The following SCUBE1 variants were observed in gnomAD, a reference collection of about 807,000 sequenced individuals.
The protein encoded by SCUBE1 is signal peptide, CUB and EGF-like domain-containing protein 1.
In SCUBE1, 59 loss-of-function variants were observed where a neutral mutation model predicts 124.4. The ratio of observed to expected loss-of-function variants is 0.47; its 90% confidence interval spans 0.38 to 0.59. The LOEUF is 0.59. Ranked by LOEUF, SCUBE1 falls within the 20% of genes least tolerant of loss-of-function variation. The probability of loss-of-function intolerance (pLI) is 0.00; values close to 1 mark genes in which losing one functional copy is unlikely to be tolerated. For missense variants in SCUBE1, 1,150 were observed against 1,371.2 expected, an observed-to-expected ratio of 0.84 and a Z score of 2.55; for synonymous variants, 545 against 550.9, an observed-to-expected ratio of 0.99 and a Z score of 0.15.
chr22:43,251,411 G>A (rs1344126104), intron 6 of SCUBE1, among the ~76,000 whole-genome samples: 1 of 152,238 alleles, frequency 6.6e-6, no homozygotes, highest in Non-Finnish European at 1.5e-5. Flanking sequence ...CTAATCCCCA[G>A]AAACTGTGAC....
In SCUBE1 at chr22:43,298,300, C is replaced by T. The variant is rs552776865; in HGVS notation, c.350-7120G>A. Among the ~76,000 whole-genome samples the T allele has an allele frequency of 2.0e-5, 3 of 152,368 alleles. No homozygotes were observed. In the East Asian group the frequency reaches 5.8e-4, roughly 29 times the overall value. On this transcript the variant is annotated intron_variant, in intron 3 of 21. Coordinates refer to ENST00000360835, the MANE Select transcript of SCUBE1 (RefSeq NM_173050.5). ...ATGCCTGGGGTCTCCCAGGACCTGT[C>T]TGCTTCCTGGTCTGGGCATCAGCTG...
chr22:43,284,825 C>T (rs1303437351), intron 4 of SCUBE1, among the ~76,000 whole-genome samples: 1 of 152,136 alleles, frequency 6.6e-6, no homozygotes, highest in African/African-American at 2.4e-5. Flanking sequence ...ATTCCTGATG[C>T]CAAGCTTTCC....
chr22:43,269,582 G>A (rs1374778524), intron 4 of SCUBE1, among the ~76,000 whole-genome samples: 2 of 152,152 alleles, frequency 1.3e-5, no homozygotes, highest in Non-Finnish European at 2.9e-5. Context: ...GGGATGGCAA[G>A]CTGGGAACGG....
Position 43,339,231 on chromosome 22 carries a change from T to C in SCUBE1, c.93A>G (p.Ser31=). The C allele has an allele frequency of 6.2e-7, 1 of 1,613,402 alleles. No individual in the cohort carries two copies. Among genetic ancestry groups the C allele is most frequent in the Non-Finnish European group, 8.5e-7 (1 of 1,179,536 alleles). The change falls in exon 2 of 22, where the codon TCA becomes TCG. Residue 31 remains serine, a synonymous_variant. Transcript: ENST00000360835. ...CCTCTGAGCACTCATCCACGTCGAC[T>C]GACCCTGTGGGTAGGGGTGTGGGGG... The part of the protein sequence containing the change: ...RLAGGSGLPG[S]VDVDECSEGT...
intron 10 of SCUBE1, among the ~76,000 whole-genome samples, chr22:43,223,566 CT>C (rs1922188753): frequency 6.6e-6 from 1 of 152,196 alleles, no homozygotes; most frequent in South Asian, 2.1e-4. Flanking sequence ...CACTGGCTTC[CT>C]GGGAGGGGCC....
At chr22:43,229,295 C>T (rs1922458714) in intron 8 of SCUBE1, 107 bp from the exon 9 acceptor site, 2 of 813,574 alleles carry the variant, frequency 2.5e-6, no homozygotes, top group Admixed American at 1.8e-5. Context: ...GACACACAGT[C>T]CCTGGGCGCA....
At position 43,221,231 on chromosome 22, in the gene SCUBE1, G is replaced by T; in HGVS notation, c.1491C>A (p.Cys497Ter). ...GTGCCTGGCTGTGGGGCCGGAGGTG[G>T]CACTTGGCATCTCGGATCTTGAAGC... ...KARFKIRDAKCHLRPHSQARA... is the reference protein window; with the variant it reads ...KARFKIRDAK Residue 497 changes from cysteine (C) to a stop codon, truncating the protein, a stop_gained, in exon 13 of 22, where the codon TGC becomes TGA. Transcript: ENST00000360835. LOFTEE classifies it high-confidence loss of function. The T allele has an allele frequency of 6.2e-7, 1 of 1,611,766 alleles. No homozygotes were observed.
At position 43,201,434 on chromosome 22, in the gene SCUBE1, G is replaced by A. The variant is rs560927379; in HGVS notation, c.*2563C>T. 2 of 152,236 alleles carry A rather than the reference G, an allele frequency of 1.3e-5. No individual in the cohort carries two copies. Among genetic ancestry groups the A allele is most frequent in the East Asian group, 3.9e-4 (2 of 5,182 alleles). 9.4% of individuals were successfully genotyped at this position (152,236 alleles called of 1,614,324 possible). On this transcript the variant is annotated 3_prime_UTR_variant, in exon 22 of 22. Coordinates refer to ENST00000360835, the MANE Select transcript of SCUBE1 (RefSeq NM_173050.5). Reference sequence around the variant, plus strand: ...TCTTGGTTGGGTGAACGGATACCCAGCTAGCTGGGAAAACATGCTAGGGTG... The same window carrying A: ...TCTTGGTTGGGTGAACGGATACCCAACTAGCTGGGAAAACATGCTAGGGTG...
intron 3 of SCUBE1, among the ~76,000 whole-genome samples, chr22:43,315,893 A>G (rs559994478): frequency 6.6e-6 from 1 of 152,326 alleles, no homozygotes; most frequent in East Asian, 1.9e-4. Context: ...CTCTGGGGAC[A>G]CTGGGAGTAC....
chr22:43,301,594 C>T (rs1414999503), intron 3 of SCUBE1, among the ~76,000 whole-genome samples: 3 of 152,166 alleles, frequency 2.0e-5, no homozygotes, highest in Non-Finnish European at 2.9e-5. Context: ...CTCTCTCTGA[C>T]CACTAAGCTA....
At chr22:43,245,653 G>T (rs920299453) in intron 6 of SCUBE1, among the ~76,000 whole-genome samples, 1 of 152,158 alleles carries the variant, frequency 6.6e-6, no homozygotes, top group Non-Finnish European at 1.5e-5. Context: ...GCAGCCCAGG[G>T]TCTCCTGGAC....
At chr22:43,321,403 T>A (rs1256187090) in intron 2 of SCUBE1, among the ~76,000 whole-genome samples, 1 of 152,152 alleles carries the variant, frequency 6.6e-6, no homozygotes, top group Non-Finnish European at 1.5e-5. Flanking sequence ...CAATGAACGT[T>A]CAGGGGTAGG....
chr22:43,334,832 C>A (rs1927012627), intron 2 of SCUBE1, among the ~76,000 whole-genome samples: 1 of 152,214 alleles, frequency 6.6e-6, no homozygotes, highest in Admixed American at 6.5e-5. Context: ...TTAATTCTCA[C>A]ACTATCTGTA....
chr22:43,285,215 G>T (rs764052136), intron 4 of SCUBE1, among the ~76,000 whole-genome samples: 6 of 152,094 alleles, frequency 3.9e-5, no homozygotes, highest in Non-Finnish European at 7.4e-5. Context: ...CAACCACATG[G>T]TCCACCAGCC....
intron 4 of SCUBE1, among the ~76,000 whole-genome samples, chr22:43,265,672 A>G (rs946579908): frequency 6.6e-6 from 1 of 152,214 alleles, no homozygotes; most frequent in African/African-American, 2.4e-5. Context: ...ACCTCTTTAC[A>G]TTCCTGACAA....
At chr22:43,335,778 G>GTGATGA (rs1927045755) in intron 2 of SCUBE1, among the ~76,000 whole-genome samples, 1 of 134,796 alleles carries the variant, frequency 7.4e-6, no homozygotes, top group African/African-American at 3.3e-5. Flanking sequence ...GATGATGATG[G>GTGATGA]TGATGGTGAT....
intron 2 of SCUBE1, among the ~76,000 whole-genome samples, chr22:43,320,851 G>A (rs967176417): frequency 4.6e-5 from 7 of 152,240 alleles, no homozygotes; most frequent in African/African-American, 1.2e-4. Context: ...ATTCGAATCC[G>A]TGGGATTCAA....
chr22:43,221,114 G>A, intron 13 of SCUBE1, 59 bp downstream of exon 13: 1 of 1,380,464 alleles, frequency 7.2e-7, no homozygotes, highest in Non-Finnish European at 1.0e-6. Context: ...CAGCTCCCAG[G>A]CATGAGGACT....
rs1313733876 is a variant in SCUBE1, at chr22:43,212,764, G to A, written c.2054-172C>T. ...AAACGCAGCAGCCGGGGTGCAGGAA[G>A]CTGGGCCCTGGTCCGGATGATGCCA... On this transcript the variant is annotated intron_variant, in intron 16 of 21. Transcript: ENST00000360835. 1.4e-5 allele frequency: 9 copies of A among 653,286 alleles called. No individual in the cohort carries two copies. The East Asian group carries it at 2.0e-4, about 14-fold the overall frequency. The allele number at this position is 653,286 out of a possible 1,614,324, so 40.5% of individuals were successfully genotyped here.
Sources: allele counts gnomAD v4.1 joint callset (sites outside exome capture counted in the v4.1 genomes callset), GRCh38; gene constraint gnomAD v4.1.1; transcripts MANE v1.5; gene names NCBI Gene and HGNC (gene_info 2026-07-23, HGNC 2026-07-21).